Variants in NIPBL observed in about 807,000 individuals in gnomAD.
NIPBL encodes NIPBL cohesin loading factor, also known as nipped-B-like protein.
In NIPBL, 19 loss-of-function variants were observed where a neutral mutation model predicts 321.8. The observed-to-expected ratio is 0.06, with a 90% CI of 0.04 to 0.09. NIPBL has a LOEUF of 0.09. Among genes scored for constraint, NIPBL ranks in the 10% least tolerant of loss-of-function variants. The pLI, the probability that NIPBL is intolerant of heterozygous loss-of-function variation, is 1.00. For synonymous variants in NIPBL, 1,106 were observed against 1,114.1 expected (o/e 0.99, Z 0.14); for missense variants, 2,210 against 3,327.0 (o/e 0.66, Z 8.26).
At chr5:36,900,943 T>A (rs889798733) in intron 1 of NIPBL, among the ~76,000 whole-genome samples, 1 of 152,160 alleles carries the variant, frequency 6.6e-6, no homozygotes, top group Non-Finnish European at 1.5e-5. Flanking sequence ...TCCACTCCCT[T>A]TTTTTCCCCA....
chr5:37,045,499 C>G lies in NIPBL; in HGVS notation c.6400C>G (p.Leu2134Val). The change falls in exon 37 of 47, where the codon CTA becomes GTA. Residue 2134 changes from leucine (L) to valine (V), a missense_variant. This residue lies in a region of NIPBL where 73 missense variants were observed against 222.3 expected (regional missense o/e 0.33). Transcript: ENST00000282516. Reference sequence around the variant, plus strand: ...AGAGGACCCAAATAACACTTCACTTCTAACAAACAAACCAGCACTTCTTAG... The same window carrying G: ...AGAGGACCCAAATAACACTTCACTTGTAACAAACAAACCAGCACTTCTTAG... ...HQEDPNNTSLLTNKPALLRSL... is the reference protein window; with the variant it reads ...HQEDPNNTSLVTNKPALLRSL... 2 of 1,614,032 alleles carry G rather than the reference C, an allele frequency of 1.2e-6. No individual in the cohort carries two copies. Among genetic ancestry groups the G allele is most frequent in the Non-Finnish European group, 1.7e-6 (2 of 1,179,930 alleles).
chr5:36,984,752 T>G lies in NIPBL; in HGVS notation c.1572T>G (p.Ala524=). 1 of 1,613,790 alleles carries G rather than the reference T, an allele frequency of 6.2e-7. No individual in the cohort carries two copies. Among genetic ancestry groups the G allele is most frequent in the Non-Finnish European group, 8.5e-7 (1 of 1,179,784 alleles). The change falls in exon 10 of 47, where the codon GCT becomes GCG. Residue 524 remains alanine (A), a synonymous_variant. Coordinates refer to ENST00000282516, the MANE Select transcript of NIPBL (RefSeq NM_133433.4). The stretch of plus-strand genomic sequence containing the variant: ...GTGCTACAGGAGGTAATAGACCAGC[T>G]TCTCAGGAGACGGGTTCTACGGGAA... ...AGGATGGNRP[A]SQETGSTGNG...
Position 36,920,716 on chromosome 5 carries a change from G to A in NIPBL, c.-79-32902G>A, listed in dbSNP as rs555528331. 4.4e-4 allele frequency among the ~76,000 whole-genome samples: 67 copies of A among 152,086 alleles called. No homozygotes were observed. The South Asian group carries it at 0.013, about 30-fold the overall frequency. Reference sequence around the variant, plus strand: ...ATGTTGTCTGCTGCTGTGATCACCCGCCACTAAGTACTGTGCTCCTCCTCT... The same window carrying A: ...ATGTTGTCTGCTGCTGTGATCACCCACCACTAAGTACTGTGCTCCTCCTCT... On this transcript the variant is annotated intron_variant, in intron 1 of 46. Coordinates refer to ENST00000282516, the MANE Select transcript of NIPBL (RefSeq NM_133433.4).
intron 1 of NIPBL, among the ~76,000 whole-genome samples, chr5:36,879,854 T>A (rs1384894226): frequency 6.6e-6 from 1 of 152,016 alleles, no homozygotes; most frequent in East Asian, 1.9e-4. Flanking sequence ...TAAATCAGAG[T>A]TGAACATTAA....
intron 45 of NIPBL, among the ~76,000 whole-genome samples, chr5:37,062,186 G>A (rs973770571): frequency 2.0e-5 from 3 of 152,312 alleles, no homozygotes; most frequent in Middle Eastern, 3.4e-3. Context: ...TTGATCCACT[G>A]TGGGTTGAAT....
In NIPBL at chr5:37,026,279, C is replaced by T. The variant is rs778081443; in HGVS notation, c.5760C>T (p.His1920=). ...AACTCTGGTTTACTCCAACTCCACACAATGACAAAGAAGCAATGACAAGGA... is the reference window on the plus strand; with the variant it reads ...AACTCTGGTTTACTCCAACTCCACATAATGACAAAGAAGCAATGACAAGGA... The part of the protein sequence containing the change: ...FQKLWFTPTP[H]NDKEAMTRKI... Residue 1920 remains histidine (H), a synonymous_variant, in exon 31 of 47, where the codon CAC becomes CAT. Transcript: ENST00000282516. 1.2e-6 allele frequency: 2 copies of T among 1,612,144 alleles called. No individual in the cohort carries two copies. Among genetic ancestry groups the T allele is most frequent in the South Asian group, 2.2e-5 (2 of 90,916 alleles).
At chr5:37,052,219 G>T (rs1753633427) in intron 41 of NIPBL, 147 bp from the exon 42 acceptor site, 1 of 687,844 alleles carries the variant, frequency 1.5e-6, no homozygotes. Context: ...AATCTCTAAT[G>T]TTCCTTCTAG....
At chr5:37,007,856 GAGAAA>G in intron 18 of NIPBL, 147 bp from the exon 19 acceptor site, 1 of 654,420 alleles carries the variant, frequency 1.5e-6, no homozygotes, top group Non-Finnish European at 2.8e-6. Context: ...AAGGGAAACA[GAGAAA>G]AGAATAGATG....
At chr5:36,895,797 A>G (rs1207677213) in intron 1 of NIPBL, among the ~76,000 whole-genome samples, 1 of 152,102 alleles carries the variant, frequency 6.6e-6, no homozygotes, top group African/African-American at 2.4e-5. Context: ...CCCATTTTTA[A>G]ATTGGGTTAT....
intron 45 of NIPBL, among the ~76,000 whole-genome samples, chr5:37,062,778 GACATGGCGGTGTGC>G (rs1432752999): frequency 6.6e-6 from 1 of 152,138 alleles, no homozygotes; most frequent in African/African-American, 2.4e-5. Flanking sequence ...ACATTAGCCA[GACATGGCGGTGTGC>G]ACCTGTAGTC....
intron 1 of NIPBL, among the ~76,000 whole-genome samples, chr5:36,948,626 A>C (rs935348370): frequency 6.6e-6 from 1 of 151,946 alleles, no homozygotes; most frequent in Non-Finnish European, 1.5e-5. Flanking sequence ...TCATTTGCTA[A>C]AATGTCATTG....
chr5:37,015,215 C>T (rs1748804106), intron 22 of NIPBL, among the ~76,000 whole-genome samples: 1 of 152,008 alleles, frequency 6.6e-6, no homozygotes, highest in African/African-American at 2.4e-5. Context: ...CCTCCGCCTC[C>T]CAGCTTCAAG....
intron 8 of NIPBL, among the ~76,000 whole-genome samples, chr5:36,973,797 A>G (rs1294984921): frequency 6.6e-6 from 1 of 152,036 alleles, no homozygotes; most frequent in African/African-American, 2.4e-5. Flanking sequence ...CCCCGCCTGC[A>G]TTATGTATTT....
chr5:37,059,205 G>GC, intron 44 of NIPBL, 40 bp downstream of exon 44: 3 of 1,604,486 alleles, frequency 1.9e-6, no homozygotes, highest in Non-Finnish European at 2.6e-6. Flanking sequence ...ACTTCACTCT[G>GC]TTCAAATAAT....
chr5:37,044,158 G>T (rs1752737675), intron 34 of NIPBL, among the ~76,000 whole-genome samples, 189 bp from the exon 35 acceptor site: 1 of 151,746 alleles, frequency 6.6e-6, no homozygotes, highest in Admixed American at 6.6e-5. Context: ...TAAGTTAGTT[G>T]TCGGTACATA....
intron 1 of NIPBL, among the ~76,000 whole-genome samples, chr5:36,931,974 A>T (rs945713981): frequency 4.6e-5 from 7 of 152,056 alleles, no homozygotes; most frequent in Non-Finnish European, 8.8e-5. Flanking sequence ...GTATCCCATG[A>T]AGTTTAATAT....
chr5:36,917,351 T>G (rs1748546465), intron 1 of NIPBL, among the ~76,000 whole-genome samples: 1 of 152,206 alleles, frequency 6.6e-6, no homozygotes, highest in African/African-American at 2.4e-5. Context: ...TTTTTTCTTG[T>G]AAGTTTGTTT....
chr5:36,985,872 G>A lies in NIPBL; in HGVS notation c.2692G>A (p.Gly898Arg), dbSNP rs1221821630. ...ACCTGACAGTCCTCGTGTTAAACAA[G>A]GAGATTCTAATAAATCAAGATCTGA... is the stretch of plus-strand genomic sequence containing the variant. ...SRPDSPRVKQGDSNKSRSDKL... is the reference protein window; with the variant it reads ...SRPDSPRVKQRDSNKSRSDKL... Residue 898 changes from glycine to arginine, a missense_variant, in exon 10 of 47, where the codon GGA becomes AGA. Physicochemically the swap from Gly to Arg is moderately radical, Grantham distance 125. Transcript: ENST00000282516. 6.2e-7 allele frequency: 1 copy of A among 1,613,708 alleles called. No individual in the cohort carries two copies. The highest frequency in any genetic ancestry group is 1.3e-5 in the African/African-American group (1 of 74,874).
chr5:37,061,987 G>A (rs191202976), intron 45 of NIPBL, among the ~76,000 whole-genome samples: 40 of 152,146 alleles, frequency 2.6e-4, no homozygotes, highest in Non-Finnish European at 1.6e-4. Context: ...GATTACAGGC[G>A]CCAGCCACCA....
Sources: allele counts gnomAD v4.1 joint callset (sites outside exome capture counted in the v4.1 genomes callset), GRCh38; gene constraint gnomAD v4.1.1; regional missense constraint gnomAD v4.1.1; transcripts MANE v1.5; gene names NCBI Gene and HGNC (gene_info 2026-07-23, HGNC 2026-07-21).